NID2: variants seen among roughly 807,000 people sequenced by gnomAD.
NID2 encodes the protein nidogen-2.
A neutral mutation model predicts 145.4 loss-of-function variants in NID2; 83 were observed. The ratio of observed to expected loss-of-function variants is 0.57; its 90% CI spans 0.48 to 0.69. The LOEUF (loss-of-function observed/expected upper bound fraction) is 0.69. Among genes scored for constraint, NID2 ranks in the 30% least tolerant of loss-of-function variants. The probability of loss-of-function intolerance (pLI) is 0.00; values close to 1 mark genes in which losing one functional copy is unlikely to be tolerated. For missense variants in NID2, 1,807 were observed against 1,765.7 expected, an observed-to-expected ratio of 1.02 and a Z score of -0.42; for synonymous variants, 739 against 701.3, an observed-to-expected ratio of 1.05 and a Z score of -0.85.
chr14:52,038,523 A>C (rs1469469679), intron 9 of NID2, among the ~76,000 whole-genome samples: 1 of 152,156 alleles, frequency 6.6e-6, no homozygotes, highest in Non-Finnish European at 1.5e-5. Context: ...CCAGCTTCAC[A>C]TACTATGCTC....
chr14:52,033,395 A>C (rs1891942945), intron 9 of NID2, among the ~76,000 whole-genome samples: 2 of 152,152 alleles, frequency 1.3e-5, no homozygotes, highest in Non-Finnish European at 2.9e-5. Context: ...CCCACAAAAC[A>C]ACCAACCAAC....
In NID2 at chr14:52,019,128, A is replaced by T; in HGVS notation, c.2961T>A (p.Asp987Glu). 1 of 1,614,156 alleles carries T rather than the reference A, an allele frequency of 6.2e-7. No individual in the cohort carries two copies. The highest frequency in any genetic ancestry group is 8.5e-7 in the Non-Finnish European group (1 of 1,180,020). Residue 987 changes from aspartate to glutamate, a missense_variant, in exon 14 of 22, where the codon GAT becomes GAA. By Grantham distance (45) the Asp-to-Glu change is conservative. Coordinates refer to ENST00000216286, the MANE Select transcript of NID2 (RefSeq NM_007361.4). ...STGFCWCVDP[D>E]GHEVPGTQTP... Reference sequence around the variant, plus strand: ...TCTGGGTACCAGGAACTTCATGACCATCAGGGTCCACGCACCAGCAGAAAC... The same window carrying T: ...TCTGGGTACCAGGAACTTCATGACCTTCAGGGTCCACGCACCAGCAGAAAC...
intron 2 of NID2, among the ~76,000 whole-genome samples, chr14:52,065,381 C>T (rs370837478): frequency 1.1e-4 from 17 of 151,248 alleles, no homozygotes; most frequent in South Asian, 6.3e-4. Flanking sequence ...AGTCCCAGAG[C>T]TCTTTAAAAT....
intron 11 of NID2, among the ~76,000 whole-genome samples, 196 bp from the exon 12 acceptor site, chr14:52,027,540 T>C (rs1891633085): frequency 6.6e-6 from 1 of 151,900 alleles, no homozygotes; most frequent in African/African-American, 2.4e-5. Context: ...AAAGTTCAAG[T>C]ACTGGTATGA....
chr14:52,004,957 T>TTTTGATATAAATA lies in NID2; in HGVS notation c.*516_*528dup, dbSNP rs1297372112. On this transcript the variant is annotated 3_prime_UTR_variant, in exon 22 of 22. Transcript: ENST00000216286. ...ATGCAAATTGAATCATTTTAGCACC[T>TTTTGATATAAATA]TTTGATATAAATAGAAATGCACTGA... 1.9e-5 allele frequency: 3 copies of TTTTGATATAAATA among 157,782 alleles called. No individual in the cohort carries two copies. Among genetic ancestry groups the TTTTGATATAAATA allele is most frequent in the Admixed American group, 6.4e-5 (1 of 15,522 alleles). The allele number at this position is 157,782 out of a possible 1,614,324, so 9.8% of individuals were successfully genotyped here. A position where few individuals can be genotyped will look rare whatever the true frequency, so the allele number is the denominator to read the frequency against.
chr14:52,068,774 T>C lies in NID2; in HGVS notation c.221A>G (p.Asn74Ser). Residue 74 changes from asparagine to serine, a missense_variant, in exon 1 of 22, where the codon AAC (asparagine) becomes AGC (serine). Physicochemically the swap from Asn to Ser is conservative, Grantham distance 46. Transcript: ENST00000216286. ...GGAGGGGGCTGAACTTACGTAGAGG[T>C]TGCTGAATCGGGCTTCGTAGAAGTG... ...PLHFYEARFS[N>S]LYVGTNGIIS... is the part of the protein sequence containing the mutation. The C allele has an allele frequency of 1.2e-6, 2 of 1,602,866 alleles. No individual in the cohort carries two copies. Among genetic ancestry groups the C allele is most frequent in the East Asian group, 2.2e-5 (1 of 44,820 alleles).
chr14:52,049,191 GT>G (rs201049534), intron 5 of NID2, among the ~76,000 whole-genome samples: 2 of 124,242 alleles, frequency 1.6e-5, no homozygotes, highest in Non-Finnish European at 1.8e-5. Flanking sequence ...TCTATTTAAT[GT>G]TTTTTTTGTT....
At chr14:52,049,901 G>A (rs555876982) in intron 5 of NID2, among the ~76,000 whole-genome samples, 6 of 152,058 alleles carry the variant, frequency 3.9e-5, no homozygotes, top group Admixed American at 2.6e-4. Context: ...GGCGGCTCCT[G>A]GTCACAGACC....
intron 1 of NID2, among the ~76,000 whole-genome samples, chr14:52,068,391 C>T (rs1334907185): frequency 6.6e-6 from 1 of 152,230 alleles, no homozygotes; most frequent in Non-Finnish European, 1.5e-5. Flanking sequence ...TCTCACTCCC[C>T]TCACAACCCC....
At chr14:52,044,387 A>G (rs1414813465) in intron 5 of NID2, among the ~76,000 whole-genome samples, 2 of 141,996 alleles carry the variant, frequency 1.4e-5, no homozygotes, top group African/African-American at 5.4e-5. Context: ...CTCTTGCCTC[A>G]GCCTCCTGAG....
At chr14:52,006,232 T>C (rs752447480) in intron 20 of NID2, 74 of 394,804 alleles carry the variant, frequency 1.9e-4, no homozygotes, top group Non-Finnish European at 3.2e-4. Flanking sequence ...GGTAGTCTTA[T>C]TCTCTAAAGA....
Position 52,053,791 on chromosome 14 carries a change from G to T in NID2, c.1217C>A (p.Pro406His), listed in dbSNP as rs1236816161. 1.9e-6 allele frequency: 3 copies of T among 1,614,192 alleles called. No homozygotes were observed. Among genetic ancestry groups the T allele is most frequent in the South Asian group, 2.2e-5 (2 of 91,082 alleles). Residue 406 changes from proline to histidine, a missense_variant, in exon 5 of 22, where the codon CCT becomes CAT. Coordinates refer to ENST00000216286, the MANE Select transcript of NID2 (RefSeq NM_007361.4). ...PPEVDRDSLA[P>H]SWETPPPYPE... ...GTACGGTGGTGGGGTTTCCCAGGAAGGAGCCAGTGAATCTCTGTCTACCTC... is the reference window on the plus strand; with the variant it reads ...GTACGGTGGTGGGGTTTCCCAGGAATGAGCCAGTGAATCTCTGTCTACCTC...
At chr14:52,056,209 T>C (rs1238037080) in intron 3 of NID2, among the ~76,000 whole-genome samples, 2 of 152,100 alleles carry the variant, frequency 1.3e-5, no homozygotes, top group Non-Finnish European at 2.9e-5. Flanking sequence ...CTTCTTGAAG[T>C]TAGAAACAGA....
chr14:52,020,737 ATTTTC>A (rs1891376605), intron 12 of NID2, among the ~76,000 whole-genome samples: 1 of 152,162 alleles, frequency 6.6e-6, no homozygotes, highest in African/African-American at 2.4e-5. Flanking sequence ...TTAACCAGGT[ATTTTC>A]TTTACTTTCC....
In NID2 at chr14:52,011,602, G is replaced by C; in HGVS notation, c.3502C>G (p.Arg1168Gly). ...TCTGCTCCCAGTTCCAGACCAGCACGGCTGATTGTCCGTCCAGCAACATCT... is the reference window on the plus strand; with the variant it reads ...TCTGCTCCCAGTTCCAGACCAGCACCGCTGATTGTCCGTCCAGCAACATCT... ...WTDVAGRTIS[R>G]AGLELGAEPE... The change falls in exon 17 of 22, where the codon CGT becomes GGT. Residue 1168 changes from arginine to glycine, a missense_variant. Transcript: ENST00000216286. The C allele has an allele frequency of 6.2e-7, 1 of 1,614,150 alleles. No homozygotes were observed. The highest frequency in any genetic ancestry group is 1.1e-5 in the South Asian group (1 of 91,082).
At position 52,040,740 on chromosome 14, in the gene NID2, G is replaced by T; in HGVS notation, c.1937C>A (p.Thr646Asn). The T allele has an allele frequency of 6.2e-7, 1 of 1,614,174 alleles. No homozygotes were observed. Among genetic ancestry groups the T allele is most frequent in the Non-Finnish European group, 8.5e-7 (1 of 1,180,016 alleles). The change falls in exon 8 of 22, where the codon ACC becomes AAC. Residue 646 changes from threonine to asparagine, a missense_variant. By Grantham distance (65) the Thr-to-Asn change is moderately conservative. Coordinates refer to ENST00000216286, the MANE Select transcript of NID2 (RefSeq NM_007361.4). ...GTAAGGCACCTGGCCTTGAATGTTG[G>T]TCTTAATGCTCAGGTAGTTCTCTGG... is the stretch of plus-strand genomic sequence containing the variant. The part of the protein sequence containing the change: ...LDPENYLSIK[T>N]NIQGQVPYVS...
intron 6 of NID2, 29 bp from the exon 7 acceptor site, chr14:52,042,379 G>C: frequency 6.3e-7 from 1 of 1,589,526 alleles, no homozygotes; most frequent in Non-Finnish European, 8.6e-7. Context: ...AGTTAGGCTT[G>C]GACGTCATCC....
rs1256145221 is a variant in NID2, at chr14:52,005,407, T to G, written c.*79A>C. 3 of 1,383,076 alleles carry G rather than the reference T, an allele frequency of 2.2e-6. No individual in the cohort carries two copies. The Admixed American group carries it at 7.3e-5, about 34-fold the overall frequency. 85.7% of individuals were successfully genotyped at this position (1,383,076 alleles called of 1,614,324 possible). A position where few individuals can be genotyped will look rare whatever the true frequency, so the allele number is the denominator to read the frequency against. On this transcript the variant is annotated 3_prime_UTR_variant, in exon 22 of 22. Transcript: ENST00000216286. ...TCTAATGGCCAATTCCTTTTTTACT[T>G]TCTTTGCCTTTGCAGTCACTGTTCT...
intron 15 of NID2, 137 bp downstream of exon 15, chr14:52,014,916 TA>T: frequency 1.4e-6 from 1 of 719,584 alleles, no homozygotes; most frequent in Non-Finnish European, 2.3e-6. Flanking sequence ...GACCAGATTA[TA>T]AATCAACATA....
Sources: allele counts gnomAD v4.1 joint callset (sites outside exome capture counted in the v4.1 genomes callset), GRCh38; gene constraint gnomAD v4.1.1; transcripts MANE v1.5; gene names NCBI Gene and HGNC (gene_info 2026-07-23, HGNC 2026-07-21).